Variants in DPP6 observed in about 807,000 individuals in gnomAD.
DPP6 encodes dipeptidyl peptidase like 6, also known as A-type potassium channel modulatory protein DPP6.
Under a neutral mutation model 122.6 loss-of-function variants are expected in DPP6, and 69 were observed. That is an observed-to-expected ratio of 0.56 (90% CI 0.46 to 0.69). The LOEUF is 0.69. Among genes scored for constraint, DPP6 ranks in the 30% least tolerant of loss-of-function variants. DPP6 has a pLI of 0.00. For missense variants in DPP6, 928 were observed against 1,116.9 expected (o/e 0.83, Z 2.41); for synonymous variants, 418 against 433.1 (o/e 0.97, Z 0.43).
At chr7:154,822,642 G>A (rs957377382) in intron 16 of DPP6, among the ~76,000 whole-genome samples, 2 of 152,094 alleles carry the variant, frequency 1.3e-5, no homozygotes, top group African/African-American at 4.8e-5. Context: ...GGACCTTAGG[G>A]ACCAAAGCCA....
intron 4 of DPP6, among the ~76,000 whole-genome samples, chr7:154,548,991 C>T (rs924910863): frequency 2.0e-5 from 3 of 151,836 alleles, no homozygotes; most frequent in South Asian, 4.2e-4. Flanking sequence ...GTAGACAGTG[C>T]GGTTAGTAGG....
chr7:154,088,247 A>T (rs1360998439), intron 1 of DPP6, among the ~76,000 whole-genome samples: 3 of 151,320 alleles, frequency 2.0e-5, no homozygotes, highest in Non-Finnish European at 4.4e-5. Flanking sequence ...TAATATCCCC[A>T]CTTCTGGCCC....
chr7:153,999,411 A>T (rs1369029238), intron 1 of DPP6, among the ~76,000 whole-genome samples: 2 of 152,196 alleles, frequency 1.3e-5, no homozygotes, highest in Non-Finnish European at 2.9e-5. Context: ...TTATTTCTTC[A>T]TAATATCTTG....
chr7:154,372,012 G>A (rs567540301), intron 1 of DPP6, among the ~76,000 whole-genome samples: 2 of 152,208 alleles, frequency 1.3e-5, no homozygotes, highest in Admixed American at 1.3e-4. Flanking sequence ...TGTGAGGGAT[G>A]TAAAGAGGAG....
Position 154,840,529 on chromosome 7 carries a change from C to A in DPP6, c.1667-13251C>A, listed in dbSNP as rs974434372. Among the ~76,000 whole-genome samples the A allele has an allele frequency of 2.6e-5, 4 of 152,218 alleles. No individual in the cohort carries two copies. In the East Asian group the frequency reaches 7.7e-4, roughly 29 times the overall value. ...ATGAAAAGGAGCCTGAGTTTCCCAA[C>A]ACACCATAATTTGTACACGCAAGCG... On this transcript the variant is annotated intron_variant, in intron 16 of 25. Transcript: ENST00000377770.
chr7:154,699,171 G>C (rs567316206), intron 7 of DPP6, among the ~76,000 whole-genome samples: 1 of 152,296 alleles, frequency 6.6e-6, no homozygotes, highest in Admixed American at 6.5e-5. Flanking sequence ...GGGAGACTTA[G>C]CCAGGAACAT....
At chr7:153,801,272 CATGAG>C in the DPP6 span, among the ~76,000 whole-genome samples, 2 of 144,670 alleles carry the variant, frequency 1.4e-5, no homozygotes, top group African/African-American at 5.2e-5. Flanking sequence ...ATCTATCACT[CATGAG>C]AAGGAATCAA....
In DPP6 at chr7:154,147,109, A is replaced by G. The variant is rs1353259927; in HGVS notation, c.243+94046A>G. On this transcript the variant is annotated intron_variant, in intron 1 of 25. Coordinates refer to ENST00000377770, the MANE Select transcript of DPP6 (RefSeq NM_130797.4). ...AAAAACAGGGAATCCACTAAAGGCC[A>G]GAACATTGTACTCTGCTTCCATCCT... Among the ~76,000 whole-genome samples, 3 of 152,318 alleles carry G rather than the reference A, an allele frequency of 2.0e-5. No homozygotes were observed. The East Asian group carries it at 5.8e-4, about 29-fold the overall frequency.
intron 16 of DPP6, among the ~76,000 whole-genome samples, chr7:154,816,277 G>C (rs1799420170): frequency 6.7e-6 from 1 of 148,498 alleles, no homozygotes; most frequent in Non-Finnish European, 1.5e-5. Flanking sequence ...AAGATATTTT[G>C]AGAGAGAGAG....
chr7:153,835,960 C>A, the DPP6 span, among the ~76,000 whole-genome samples: 1 of 152,042 alleles, frequency 6.6e-6, no homozygotes, highest in South Asian at 2.1e-4. Context: ...AGATAAAGGT[C>A]AAAAAGATGG....
Position 154,877,743 on chromosome 7 carries a change from C to T in DPP6, c.2078+1643C>T, listed in dbSNP as rs1805016472. Among the ~76,000 whole-genome samples, 1 of 152,228 alleles carries T rather than the reference C, an allele frequency of 6.6e-6. No homozygotes were observed. Among genetic ancestry groups the T allele is most frequent in the African/African-American group, 2.4e-5 (1 of 41,466 alleles). ...CTCTCCTTCCATCTCCCTGGCCCTC[C>T]CCTGCCCATTCCAGAACCTGCCACC... is the stretch of plus-strand genomic sequence containing the variant. On this transcript the variant is annotated intron_variant, in intron 20 of 25. Transcript: ENST00000377770. The surrounding 1 kb of genome is among the most constrained non-coding windows in gnomAD (Gnocchi z 5.2).
intron 5 of DPP6, among the ~76,000 whole-genome samples, chr7:154,598,493 G>A (rs1358437035): frequency 2.0e-5 from 3 of 152,064 alleles, no homozygotes; most frequent in Non-Finnish European, 2.9e-5. Context: ...CTGCCATCCC[G>A]AGTTTGTTGG....
chr7:154,215,931 G>A (rs1204220020), intron 1 of DPP6, among the ~76,000 whole-genome samples: 1 of 152,044 alleles, frequency 6.6e-6, no homozygotes, highest in African/African-American at 2.4e-5. Context: ...ACAACAGCAT[G>A]AATCTATCTT....
chr7:154,755,102 C>T lies in DPP6; in HGVS notation c.884-14315C>T, dbSNP rs1305181226. On this transcript the variant is annotated intron_variant, in intron 8 of 25. Transcript: ENST00000377770. The surrounding 1 kb of genome is among the most constrained non-coding windows in gnomAD (Gnocchi z 4.7). ...GGCACATGTATACCTATGTAACAAA[C>T]CTGCACGTTCTGCACATGTATCCCA... Among the ~76,000 whole-genome samples, 1 of 149,878 alleles carries T rather than the reference C, an allele frequency of 6.7e-6. No individual in the cohort carries two copies. The highest frequency in any genetic ancestry group is 1.5e-5 in the Non-Finnish European group (1 of 67,788).
At chr7:154,295,393 CA>C (rs1805473141) in intron 1 of DPP6, among the ~76,000 whole-genome samples, 1 of 152,184 alleles carries the variant, frequency 6.6e-6, no homozygotes, top group Non-Finnish European at 1.5e-5. Flanking sequence ...ACAACTTATC[CA>C]TTTCCTCTAA....
At chr7:154,047,300 A>C (rs1236965531) in intron 1 of DPP6, among the ~76,000 whole-genome samples, 1 of 144,514 alleles carries the variant, frequency 6.9e-6, no homozygotes, top group Non-Finnish European at 1.5e-5. Flanking sequence ...AAAGCACTGA[A>C]GTGCAGAGAC....
chr7:153,913,153 C>T (rs1449731980), intron 1 of DPP6, among the ~76,000 whole-genome samples: 1 of 152,202 alleles, frequency 6.6e-6, no homozygotes, highest in Non-Finnish European at 1.5e-5. Context: ...CAACTCACTG[C>T]AACCTCTGCC....
intron 3 of DPP6, among the ~76,000 whole-genome samples, chr7:154,479,505 C>T (rs1823044745): frequency 6.8e-6 from 1 of 147,870 alleles, no homozygotes; most frequent in South Asian, 2.1e-4. Flanking sequence ...TGGCAGTGAG[C>T]CGACATTGCG....
intron 8 of DPP6, among the ~76,000 whole-genome samples, chr7:154,756,175 A>G (rs570572259): frequency 6.6e-6 from 1 of 152,266 alleles, no homozygotes; most frequent in East Asian, 1.9e-4. Flanking sequence ...TTCCCATGAT[A>G]GTGAGGTAAC....
Sources: allele counts gnomAD v4.1 joint callset (sites outside exome capture counted in the v4.1 genomes callset), GRCh38; gene constraint gnomAD v4.1.1; non-coding constraint Gnocchi (gnomAD v3.1); transcripts MANE v1.5; gene names NCBI Gene and HGNC (gene_info 2026-07-23, HGNC 2026-07-21).